Variants in ALMS1 observed in about 807,000 individuals in gnomAD.
The protein encoded by ALMS1 is ALMS1 centrosome and basal body associated protein.
In ALMS1, 271 loss-of-function variants were observed where a neutral mutation model predicts 352.2. The observed-to-expected ratio is 0.77, with a 90% CI of 0.70 to 0.85. The LOEUF (loss-of-function observed/expected upper bound fraction) is 0.85, where lower values mean the gene tolerates loss of function less well. Among genes scored for constraint, ALMS1 ranks in the 40% least tolerant of loss-of-function variants. The pLI, the probability that ALMS1 is intolerant of heterozygous loss-of-function variation, is 0.00. For synonymous variants in ALMS1, 1,865 were observed against 1,761.2 expected, an observed-to-expected ratio of 1.06 and a Z score of -1.48; for missense variants, 5,445 against 4,870.7, an observed-to-expected ratio of 1.12 and a Z score of -3.51.
intron 8 of ALMS1, 58 bp downstream of exon 8, chr2:73,454,125 G>T (rs937541538): frequency 6.4e-7 from 1 of 1,550,856 alleles, no homozygotes; most frequent in Non-Finnish European, 8.7e-7. Flanking sequence ...TTTAAAGTTA[G>T]ATATTTATGT....
At position 73,491,500 on chromosome 2, in the gene ALMS1, T is replaced by G; in HGVS notation, c.9539+2T>G. 6.2e-7 allele frequency: 1 copy of G among 1,613,806 alleles called. No homozygotes were observed. The highest frequency in any genetic ancestry group is 8.5e-7 in the Non-Finnish European group (1 of 1,179,918). The stretch of plus-strand genomic sequence containing the variant: ...GGGGACCCCAGTATTTGCAGATCGG[T>G]GAGTCTCATTGTGATAACAAGCAAG... On this transcript the variant is annotated splice_donor_variant, in intron 10 of 22. Transcript: ENST00000613296. LOFTEE classifies it high-confidence loss of function.
At chr2:73,414,931 C>T (rs1671156779) in intron 2 of ALMS1, among the ~76,000 whole-genome samples, 1 of 152,156 alleles carries the variant, frequency 6.6e-6, no homozygotes, top group African/African-American at 2.4e-5. Context: ...TCCCATTACT[C>T]TCCAATTCCA....
Position 73,490,201 on chromosome 2 carries a change from G to T in ALMS1, c.8242G>T (p.Gly2748Trp). 6.2e-7 allele frequency: 1 copy of T among 1,614,068 alleles called. No homozygotes were observed. The highest frequency in any genetic ancestry group is 8.5e-7 in the Non-Finnish European group (1 of 1,180,010). The change falls in exon 10 of 23, where the codon GGG becomes TGG. Residue 2748 changes from glycine (G) to tryptophan (W), a missense_variant. Coordinates refer to ENST00000613296, the MANE Select transcript of ALMS1 (RefSeq NM_001378454.1). Reference protein sequence around the residue: ...EGSQCTGASVGVFNSHFTEEQ... With the variant: ...EGSQCTGASVWVFNSHFTEEQ... ...TAGCCAGTGTACTGGAGCATCTGTG[G>T]GGGTATTTAATTCTCATTTCACTGA...
intron 16 of ALMS1, among the ~76,000 whole-genome samples, chr2:73,576,611 T>G (rs949237943): frequency 1.5e-5 from 2 of 133,548 alleles, no homozygotes; most frequent in Non-Finnish European, 3.0e-5. Flanking sequence ...ACTAGTTTTT[T>G]CTTTTTCTTT....
rs971758626 is a variant in ALMS1, at chr2:73,484,608, C to G, written c.7675-5026C>G. ...GTGGCGTTCTCTGTATTTCCTGAAT[C>G]TGAATGTTGGCCTGCCTTGCTAGAT... On this transcript the variant is annotated intron_variant, in intron 9 of 22. Coordinates refer to ENST00000613296, the MANE Select transcript of ALMS1 (RefSeq NM_001378454.1). 3.9e-3 allele frequency among the ~76,000 whole-genome samples: 591 copies of G among 151,222 alleles called. 2 individuals are homozygous for G. The highest frequency in any genetic ancestry group is 6.4e-3 in the Non-Finnish European group (433 of 67,732).
intron 9 of ALMS1, among the ~76,000 whole-genome samples, chr2:73,460,250 T>C (rs982142003): frequency 1.3e-5 from 2 of 152,210 alleles, no homozygotes; most frequent in Non-Finnish European, 2.9e-5. Flanking sequence ...ATTATTATTA[T>C]ACCATTCCAG....
At chr2:73,534,995 T>C in intron 12 of ALMS1, 46 bp downstream of exon 12, 1 of 1,609,868 alleles carries the variant, frequency 6.2e-7, no homozygotes, top group African/African-American at 1.3e-5. Context: ...GATATTTTAT[T>C]TGTGTATTGG....
chr2:73,503,446 G>A (rs969962785), intron 10 of ALMS1, among the ~76,000 whole-genome samples: 1 of 152,140 alleles, frequency 6.6e-6, no homozygotes, highest in African/African-American at 2.4e-5. Context: ...TTTTATGGCT[G>A]CATAGTATTC....
chr2:73,599,319 G>A (rs777386807), intron 16 of ALMS1, 82 bp from the exon 17 acceptor site: 248 of 1,555,480 alleles, frequency 1.6e-4, no homozygotes, highest in Non-Finnish European at 2.0e-4. Context: ...ATTAGAAAGA[G>A]GACTTGTTGG....
At position 73,455,430 on chromosome 2, in the gene ALMS1, G is replaced by T. The variant is rs541089039; in HGVS notation, c.7674+135G>T. The T allele has an allele frequency of 2.6e-4, 292 of 1,117,714 alleles. 4 individuals carry two copies. In the East Asian group the frequency reaches 7.5e-3, roughly 29 times the overall value. The allele number at this position is 1,117,714 out of a possible 1,614,324, so 69.2% of individuals were successfully genotyped here. A position where few individuals can be genotyped will look rare whatever the true frequency, so the allele number is the denominator to read the frequency against. ...CTTTTTTGGTTTTGTTTTTGAGACA[G>T]TCTTGCTCTGTTGCCCAGGCTGAAG... On this transcript the variant is annotated intron_variant, in intron 9 of 22. Transcript: ENST00000613296.
At position 73,529,450 on chromosome 2, in the gene ALMS1, T is replaced by C. The variant is rs147935798; in HGVS notation, c.9782-5374T>C. 1.8e-3 allele frequency among the ~76,000 whole-genome samples: 276 copies of C among 152,364 alleles called. 9 individuals carry two copies. The East Asian group carries it at 0.046, about 25-fold the overall frequency. ...TTCATTTGGTGAGGTCATGTTTTCA[T>C]AGATGGTCTAGAAGCTTGTGGATAT... On this transcript the variant is annotated intron_variant, in intron 11 of 22. Coordinates refer to ENST00000613296, the MANE Select transcript of ALMS1 (RefSeq NM_001378454.1).
intron 12 of ALMS1, among the ~76,000 whole-genome samples, chr2:73,544,788 A>G (rs1674278058): frequency 6.6e-6 from 1 of 152,240 alleles, no homozygotes; most frequent in Non-Finnish European, 1.5e-5. Flanking sequence ...ACAGTGGCCA[A>G]GAGGTGGAAA....
At chr2:73,601,137 G>C in intron 18 of ALMS1, 58 bp from the exon 19 acceptor site, 1 of 1,611,414 alleles carries the variant, frequency 6.2e-7, no homozygotes, top group Middle Eastern at 1.8e-4. Flanking sequence ...GATAAGAGCT[G>C]GGTGGGGCTG....
chr2:73,452,156 G>T lies in ALMS1; in HGVS notation c.5629G>T (p.Gly1877Trp). Reference sequence around the variant, plus strand: ...TACTGAAGTAACTTTGAAAGCAATAGGGGTTCCTGGGCCTGCTGACCAGAA... The same window carrying T: ...TACTGAAGTAACTTTGAAAGCAATATGGGTTCCTGGGCCTGCTGACCAGAA... ...DLTEVTLKAIGVPGPADQKTG... is the reference protein window; with the variant it reads ...DLTEVTLKAIWVPGPADQKTG... The change falls in exon 8 of 23, where the codon GGG (glycine) becomes TGG (tryptophan). Residue 1877 changes from glycine to tryptophan, a missense_variant. Gly to Trp is a radical substitution (Grantham distance 184, BLOSUM62 -2). Coordinates refer to ENST00000613296, the MANE Select transcript of ALMS1 (RefSeq NM_001378454.1). 2 of 1,608,750 alleles carry T rather than the reference G, an allele frequency of 1.2e-6. No individual in the cohort carries two copies. Among genetic ancestry groups the T allele is most frequent in the Non-Finnish European group, 1.7e-6 (2 of 1,176,652 alleles).
In ALMS1 at chr2:73,552,480, T is replaced by G. The variant is rs547837521; in HGVS notation, c.10078+2043T>G. ...CAGGTGAGTGTAGATGTGGAAAAAT[T>G]GGCAGGAAAGAAGTGAACTCTGTCA... On this transcript the variant is annotated intron_variant, in intron 13 of 22. Coordinates refer to ENST00000613296, the MANE Select transcript of ALMS1 (RefSeq NM_001378454.1). Among the ~76,000 whole-genome samples the G allele has an allele frequency of 1.9e-3, 286 of 151,960 alleles. 3 individuals carry two copies. Among genetic ancestry groups the G allele is most frequent in the Non-Finnish European group, 2.9e-4 (20 of 67,952 alleles).
rs558132778 is a variant in ALMS1 at position 73,550,082 on chromosome 2, A to C, written c.9908-185A>C. On this transcript the variant is annotated intron_variant, in intron 12 of 22. Transcript: ENST00000613296. ...ACCATCTTGGCCAGGCTGGTCTTGA[A>C]CTCCTGACCTCAGGCAATCCGCCTG... 3.9e-5 allele frequency among the ~76,000 whole-genome samples: 6 copies of C among 152,048 alleles called. No homozygotes were observed. In the South Asian group the frequency reaches 1.2e-3, roughly 32 times the overall value.
intron 1 of ALMS1, among the ~76,000 whole-genome samples, chr2:73,392,864 A>G (rs1670679036): frequency 6.6e-6 from 1 of 152,240 alleles, no homozygotes; most frequent in South Asian, 2.1e-4. Context: ...ATGTATATCT[A>G]GGAGTAGAAT....
intron 16 of ALMS1, among the ~76,000 whole-genome samples, chr2:73,576,544 G>T (rs1675057602): frequency 6.6e-6 from 1 of 151,186 alleles, no homozygotes; most frequent in Non-Finnish European, 1.5e-5. Flanking sequence ...TTTGATGAGT[G>T]TTTTTGTCAT....
chr2:73,449,299 C>CT lies in ALMS1; in HGVS notation c.2775dup (p.Leu926SerfsTer4), dbSNP rs1480123799. ...TTTTTTCCCAGCAGACCCTGCCAGA[C>CT]TTTCTTTTCCCTGAAGAAGCTCTGA... On this transcript the variant is annotated frameshift_variant, in exon 8 of 23. Transcript: ENST00000613296. LOFTEE classifies it high-confidence loss of function. 6.2e-7 allele frequency: 1 copy of CT among 1,613,974 alleles called. No homozygotes were observed. Among genetic ancestry groups the CT allele is most frequent in the East Asian group, 2.2e-5 (1 of 44,852 alleles).
Sources: gnomAD v4.1 joint callset for allele counts (sites outside exome capture counted in the v4.1 genomes callset) on GRCh38, gnomAD v4.1.1 for gene constraint, MANE v1.5 for transcripts, NCBI Gene and HGNC (gene_info 2026-07-23, HGNC 2026-07-21) for gene names.